COL22A1: variants seen among roughly 807,000 people sequenced by gnomAD.
The protein encoded by COL22A1 is collagen alpha-1(XXII) chain.
Under a neutral mutation model 248.9 loss-of-function variants are expected in COL22A1, and 221 were observed. The observed-to-expected ratio is 0.89, with a 90% CI of 0.80 to 0.99. The LOEUF (loss-of-function observed/expected upper bound fraction) is 0.99, where lower values mean the gene tolerates loss of function less well. Ranked by LOEUF, COL22A1 falls within the 50% of genes least tolerant of loss-of-function variation. The pLI, the probability that COL22A1 is intolerant of heterozygous loss-of-function variation, is 0.00. For missense variants in COL22A1, 2,240 were observed against 2,179.0 expected, an observed-to-expected ratio of 1.03 and a Z score of -0.56; for synonymous variants, 891 against 793.4, an observed-to-expected ratio of 1.12 and a Z score of -2.07.
rs1586654916 is a variant in COL22A1 at position 138,753,307 on chromosome 8, A to G, written c.2032-1796T>C. 3.3e-5 allele frequency among the ~76,000 whole-genome samples: 5 copies of G among 152,340 alleles called. No homozygotes were observed. The South Asian group carries it at 1.0e-3, about 32-fold the overall frequency. Reference sequence around the variant, plus strand: ...ACGGGAGAGATGTTGGTCCTCGACTAAAGAATCTTATAGTCTTGGGCCTCT... The same window carrying G: ...ACGGGAGAGATGTTGGTCCTCGACTGAAGAATCTTATAGTCTTGGGCCTCT... On this transcript the variant is annotated intron_variant, in intron 21 of 64. Transcript: ENST00000303045.
At chr8:138,624,673 A>G (rs1442071167) in intron 51 of COL22A1, among the ~76,000 whole-genome samples, 1 of 152,224 alleles carries the variant, frequency 6.6e-6, no homozygotes, top group East Asian at 1.9e-4. Context: ...CTGCTATGAT[A>G]TCCTAGTCTC....
In COL22A1 at chr8:138,844,093, C is replaced by T; in HGVS notation, c.724G>A (p.Glu242Lys). ...RFKHTNGGTKEITGFDLMDLF... is the reference protein window; with the variant it reads ...RFKHTNGGTKKITGFDLMDLF... ...ATTGTTTTTCCCTTACCTGTGATTTCCTTGGTTCCTCCATTGGTGTGCTTA... is the reference window on the plus strand; with the variant it reads ...ATTGTTTTTCCCTTACCTGTGATTTTCTTGGTTCCTCCATTGGTGTGCTTA... The change falls in exon 4 of 65, where the codon GAA (glutamate) becomes AAA (lysine). Residue 242 changes from glutamate to lysine, a missense_variant. Physicochemically the swap from Glu to Lys is moderately conservative, Grantham distance 56 (BLOSUM62 1). Transcript: ENST00000303045. 6.2e-7 allele frequency: 1 copy of T among 1,614,034 alleles called. No individual in the cohort carries two copies. The highest frequency in any genetic ancestry group is 8.5e-7 in the Non-Finnish European group (1 of 1,179,892).
At chr8:138,685,101 G>A (rs1391074044) in intron 38 of COL22A1, 107 bp downstream of exon 38, 1 of 806,092 alleles carries the variant, frequency 1.2e-6, no homozygotes, top group Admixed American at 2.3e-5. Context: ...CATTTCATTG[G>A]CCACGGTTCA....
intron 16 of COL22A1, among the ~76,000 whole-genome samples, chr8:138,770,816 C>CG (rs1563740285): frequency 1.3e-5 from 2 of 152,156 alleles, no homozygotes; most frequent in African/African-American, 4.8e-5. Context: ...GCAAGGGAGT[C>CG]GGAGGCAGTG....
chr8:138,623,205 C>A (rs1452654327), intron 52 of COL22A1, among the ~76,000 whole-genome samples: 1 of 149,934 alleles, frequency 6.7e-6, no homozygotes, highest in Non-Finnish European at 1.5e-5. Flanking sequence ...AATGAGAAAA[C>A]CCTATCCCAG....
chr8:138,757,878 G>A (rs151104242), intron 18 of COL22A1, among the ~76,000 whole-genome samples: 6,664 of 152,248 alleles, frequency 0.044, 198 homozygotes, highest in Non-Finnish European at 0.053. Context: ...GTGGTGGCCC[G>A]TCTCCACGAC....
At chr8:138,750,646 C>A (rs1040835148) in intron 22 of COL22A1, among the ~76,000 whole-genome samples, 1 of 152,194 alleles carries the variant, frequency 6.6e-6, no homozygotes, top group Non-Finnish European at 1.5e-5. Context: ...GTGGTGTAAA[C>A]CTCCAGAGGC....
At position 138,826,428 on chromosome 8, in the gene COL22A1, T is replaced by C. The variant is rs576609972; in HGVS notation, c.969+230A>G. On this transcript the variant is annotated intron_variant, in intron 6 of 64. Coordinates refer to ENST00000303045, the MANE Select transcript of COL22A1 (RefSeq NM_152888.3). Reference sequence around the variant, plus strand: ...TGGAGGACAGGAACTCAGTCTTCTTTACCCCCATCAGAAGGCCTGGTACTA... The same window carrying C: ...TGGAGGACAGGAACTCAGTCTTCTTCACCCCCATCAGAAGGCCTGGTACTA... 4.0e-4 allele frequency among the ~76,000 whole-genome samples: 61 copies of C among 152,252 alleles called. 1 individual carries two copies. The South Asian group carries it at 0.013, about 32-fold the overall frequency.
At chr8:138,664,439 G>A (rs916973943) in intron 41 of COL22A1, among the ~76,000 whole-genome samples, 1 of 152,074 alleles carries the variant, frequency 6.6e-6, no homozygotes, top group Non-Finnish European at 1.5e-5. Flanking sequence ...GCTTTGCGAT[G>A]CTTGTGCATT....
intron 23 of COL22A1, among the ~76,000 whole-genome samples, chr8:138,730,701 G>A (rs1830647053): frequency 6.6e-6 from 1 of 152,192 alleles, no homozygotes; most frequent in Admixed American, 6.5e-5. Flanking sequence ...TGAAAACAGA[G>A]AGACAAAAGA....
At chr8:138,677,841 T>C (rs1449457841) in intron 40 of COL22A1, among the ~76,000 whole-genome samples, 1 of 152,240 alleles carries the variant, frequency 6.6e-6, no homozygotes, top group Non-Finnish European at 1.5e-5. Context: ...ACAGTCAAGC[T>C]TGAGGCCAAG....
rs370834084 is a variant in COL22A1, at chr8:138,826,759, G to A, written c.868C>T (p.Pro290Ser). ...GTTGTGACAAAGGCGTACTCATCAG[G>A]TAAACCTTGGGGGAACACATCCCTG... Reference protein sequence around the residue: ...STEDVFPQGLPDEYAFVTTFR... With the variant: ...STEDVFPQGLSDEYAFVTTFR... The change falls in exon 6 of 65, where the codon CCT becomes TCT. Residue 290 changes from proline to serine, a missense_variant. By Grantham distance (74) the Pro-to-Ser change is moderately conservative. Transcript: ENST00000303045. 4 of 1,614,088 alleles carry A rather than the reference G, an allele frequency of 2.5e-6. No homozygotes were observed. Among genetic ancestry groups the A allele is most frequent in the South Asian group, 1.1e-5 (1 of 91,068 alleles).
At chr8:138,858,492 C>T (rs539129896) in intron 3 of COL22A1, among the ~76,000 whole-genome samples, 2 of 152,228 alleles carry the variant, frequency 1.3e-5, no homozygotes, top group South Asian at 4.2e-4. Context: ...GTGATCCCCC[C>T]ACCCCAGCTT....
chr8:138,812,043 A>T, intron 8 of COL22A1, 122 bp from the exon 9 acceptor site: 1 of 1,186,536 alleles, frequency 8.4e-7, no homozygotes, highest in Non-Finnish European at 1.2e-6. Context: ...AACGCTGAGG[A>T]TGTCTCTCCT....
intron 23 of COL22A1, among the ~76,000 whole-genome samples, chr8:138,728,349 G>A (rs1206336344): frequency 5.3e-5 from 8 of 151,960 alleles, no homozygotes. Flanking sequence ...GGTCTTTGAG[G>A]GCCTCATAGC....
At chr8:138,643,653 G>A (rs1821930938) in intron 47 of COL22A1, among the ~76,000 whole-genome samples, 1 of 151,828 alleles carries the variant, frequency 6.6e-6, no homozygotes, top group African/African-American at 2.4e-5. Context: ...TAGATAGACA[G>A]ATAGATAGAT....
chr8:138,760,410 G>T, intron 17 of COL22A1, 123 bp from the exon 18 acceptor site: 2 of 858,918 alleles, frequency 2.3e-6, no homozygotes, highest in Non-Finnish European at 1.8e-6. Context: ...AGAAGCCAAA[G>T]TCCCTTTAGA....
chr8:138,746,924 C>T (rs1393575092), intron 22 of COL22A1, among the ~76,000 whole-genome samples: 1 of 152,226 alleles, frequency 6.6e-6, no homozygotes. Flanking sequence ...TGCAATAAGA[C>T]ACATGAATGT....
intron 3 of COL22A1, among the ~76,000 whole-genome samples, chr8:138,871,342 G>A (rs1823330050): frequency 6.6e-6 from 1 of 152,162 alleles, no homozygotes; most frequent in African/African-American, 2.4e-5. Flanking sequence ...CCCCAGTCCT[G>A]CCTCCTACAG....
Sources: allele counts gnomAD v4.1 joint callset (sites outside exome capture counted in the v4.1 genomes callset), GRCh38; gene constraint gnomAD v4.1.1; transcripts MANE v1.5; gene names NCBI Gene and HGNC (gene_info 2026-07-23, HGNC 2026-07-21).